ITPR2: variants seen among roughly 807,000 people sequenced by gnomAD.
ITPR2 encodes inositol 1,4,5-trisphosphate receptor type 2, also known as inositol 1,4,5-trisphosphate-gated calcium channel ITPR2.
A neutral mutation model predicts 317.1 loss-of-function variants in ITPR2; 207 were observed. The ratio of observed to expected loss-of-function variants is 0.65; its 90% CI spans 0.58 to 0.73. ITPR2 has a LOEUF of 0.73. Ranked by LOEUF, ITPR2 falls within the 30% of genes least tolerant of loss-of-function variation. The pLI is 0.00. For missense variants in ITPR2, 2,613 were observed against 3,284.0 expected, an observed-to-expected ratio of 0.80 and a Z score of 4.99; for synonymous variants, 1,156 against 1,149.1, an observed-to-expected ratio of 1.01 and a Z score of -0.12.
rs576218974 is a variant in ITPR2, at chr12:26,802,568, G to T, written c.93-12341C>A. Among the ~76,000 whole-genome samples the T allele has an allele frequency of 3.7e-5, 5 of 134,418 alleles. No individual in the cohort carries two copies. In the South Asian group the frequency reaches 7.9e-4, roughly 21 times the overall value. The allele number at this position is 134,418 out of a possible 152,430, so 88.2% of individuals were successfully genotyped here. ...GGAGATATATATATATCTATATATA[G>T]ATATAGATATAGATATATCTATATA... On this transcript the variant is annotated intron_variant, in intron 1 of 56. Coordinates refer to ENST00000381340, the MANE Select transcript of ITPR2 (RefSeq NM_002223.4).
chr12:26,774,001 T>A (rs976733621), intron 2 of ITPR2, among the ~76,000 whole-genome samples: 7 of 143,926 alleles, frequency 4.9e-5, no homozygotes, highest in Non-Finnish European at 7.8e-5. Flanking sequence ...TTTTTTTTTT[T>A]TTTTTTTTTA....
chr12:26,682,121 T>C (rs1948045175), intron 12 of ITPR2, 87 bp from the exon 13 acceptor site: 1 of 1,098,846 alleles, frequency 9.1e-7, no homozygotes, highest in Admixed American at 2.1e-5. Flanking sequence ...GTTTAAGAAA[T>C]ATAAGACAAG....
intron 42 of ITPR2, among the ~76,000 whole-genome samples, chr12:26,482,568 A>G (rs1942567292): frequency 1.3e-5 from 2 of 152,232 alleles, no homozygotes; most frequent in Admixed American, 1.3e-4. Context: ...TTAAATCAAC[A>G]TTTAGGTTTT....
intron 17 of ITPR2, 23 bp from the exon 18 acceptor site, chr12:26,657,915 A>C: frequency 6.2e-7 from 1 of 1,608,972 alleles, no homozygotes; most frequent in Non-Finnish European, 8.5e-7. Context: ...AGCACATACA[A>C]AAATCTACTA....
chr12:26,573,430 T>C (rs1363873899), intron 34 of ITPR2, among the ~76,000 whole-genome samples: 2 of 152,104 alleles, frequency 1.3e-5, no homozygotes, highest in African/African-American at 2.4e-5. Flanking sequence ...GAAAGGAAAG[T>C]TCCTCTTTTT....
intron 5 of ITPR2, among the ~76,000 whole-genome samples, chr12:26,718,641 G>A (rs868125587): frequency 8.6e-5 from 13 of 151,274 alleles, no homozygotes; most frequent in South Asian, 4.2e-4. Context: ...ATGGGGTCTC[G>A]CTCTGTCACC....
chr12:26,476,867 T>C (rs1305872707), intron 44 of ITPR2, 45 bp downstream of exon 44: 2 of 1,356,922 alleles, frequency 1.5e-6, no homozygotes, highest in Non-Finnish European at 2.1e-6. Context: ...AATTTTTTCC[T>C]TTTAGGCTAC....
In ITPR2 at chr12:26,633,199, A is replaced by G. The variant is rs1946792598; in HGVS notation, c.2741-1140T>C. 2.0e-5 allele frequency among the ~76,000 whole-genome samples: 3 copies of G among 152,176 alleles called. No individual in the cohort carries two copies. The South Asian group carries it at 6.2e-4, about 31-fold the overall frequency. On this transcript the variant is annotated intron_variant, in intron 21 of 56. Transcript: ENST00000381340. ...GAATGTAAACCATGGTAATACCTACAGGATCGAAAGGCAAACAAATAAAAA... is the reference window on the plus strand; with the variant it reads ...GAATGTAAACCATGGTAATACCTACGGGATCGAAAGGCAAACAAATAAAAA...
chr12:26,717,172 G>A (rs1000548497), intron 5 of ITPR2, among the ~76,000 whole-genome samples: 1 of 151,956 alleles, frequency 6.6e-6, no homozygotes, highest in Non-Finnish European at 1.5e-5. Flanking sequence ...CCCTCCCTTT[G>A]TATATTTTAT....
intron 23 of ITPR2, chr12:26,627,176 C>T (rs1266931115): frequency 5.3e-5 from 8 of 152,128 alleles, no homozygotes; most frequent in African/African-American, 1.7e-4. Context: ...CAAAATGAGA[C>T]CAACAACCAC....
rs1284637612 is a variant in ITPR2 at position 26,387,518 on chromosome 12, A to AT, written c.7772dup (p.His2591GlnfsTer12). The AT allele has an allele frequency of 6.2e-7, 1 of 1,613,852 alleles. No individual in the cohort carries two copies. The highest frequency in any genetic ancestry group is 1.7e-5 in the Admixed American group (1 of 60,018). ...TCACCAGGACTATGAAGTACAAATA[A>AT]TGCCACATATTGTGTTCTGACTTAA... is the stretch of plus-strand genomic sequence containing the variant. On this transcript the variant is annotated frameshift_variant, in exon 55 of 57. Transcript: ENST00000381340. LOFTEE classifies it high-confidence loss of function.
At chr12:26,554,312 ATTT>A (rs755599913) in intron 36 of ITPR2, among the ~76,000 whole-genome samples, 5 of 152,306 alleles carry the variant, frequency 3.3e-5, no homozygotes, top group Non-Finnish European at 7.3e-5. Context: ...GAGGAAGTGG[ATTT>A]TTATTTCATT....
intron 45 of ITPR2, among the ~76,000 whole-genome samples, chr12:26,456,888 G>T (rs772365181): frequency 8.8e-4 from 134 of 152,216 alleles, no homozygotes; most frequent in Admixed American, 4.6e-4. Context: ...TGGCCAGGCT[G>T]GTCTCAAACT....
rs137932877 is a variant in ITPR2 at position 26,597,496 on chromosome 12, A to C, written c.4003-362T>G. 2.4e-4 allele frequency among the ~76,000 whole-genome samples: 36 copies of C among 152,346 alleles called. No individual in the cohort carries two copies. The East Asian group carries it at 5.6e-3, about 24-fold the overall frequency. On this transcript the variant is annotated intron_variant, in intron 30 of 56. Transcript: ENST00000381340. ...TGGCCAAAGCACAAGAAATCTCATA[A>C]TTTTACTAAAGCAGAGTAAAATATC...
intron 49 of ITPR2, among the ~76,000 whole-genome samples, chr12:26,422,082 C>A (rs1182921784): frequency 6.7e-6 from 1 of 150,256 alleles, no homozygotes; most frequent in Non-Finnish European, 1.5e-5. Context: ...TATCTATTTG[C>A]TAATTATTTA....
chr12:26,572,582 G>C (rs1239643796), intron 34 of ITPR2, among the ~76,000 whole-genome samples: 1 of 152,168 alleles, frequency 6.6e-6, no homozygotes, highest in Non-Finnish European at 1.5e-5. Flanking sequence ...TTAGCTGTTG[G>C]CTAAATTTTC....
At chr12:26,452,784 T>C (rs1233653422) in intron 45 of ITPR2, among the ~76,000 whole-genome samples, 2 of 152,148 alleles carry the variant, frequency 1.3e-5, no homozygotes, top group African/African-American at 2.4e-5. Context: ...TGCAGCACGA[T>C]GCCCTCACCA....
At chr12:26,392,314 C>A (rs1013600711) in intron 54 of ITPR2, among the ~76,000 whole-genome samples, 1 of 152,192 alleles carries the variant, frequency 6.6e-6, no homozygotes, top group African/African-American at 2.4e-5. Context: ...CACTGACATT[C>A]CACTCAGCAC....
rs1946479901 is a variant in ITPR2, at chr12:26,621,030, C to T, written c.3462+93G>A. 2.6e-5 allele frequency: 31 copies of T among 1,213,564 alleles called. No homozygotes were observed. The South Asian group carries it at 4.8e-4, about 19-fold the overall frequency. 75.2% of individuals were successfully genotyped at this position (1,213,564 alleles called of 1,614,324 possible). A position where few individuals can be genotyped will look rare whatever the true frequency, so the allele number is the denominator to read the frequency against. On this transcript the variant is annotated intron_variant, in intron 26 of 56. Transcript: ENST00000381340. ...CTCTGTTGCTCAGAACAGAATTTTT[C>T]TTTATGAACAATTTTGATTGTAGAG...
Sources: allele counts gnomAD v4.1 joint callset (sites outside exome capture counted in the v4.1 genomes callset), GRCh38; gene constraint gnomAD v4.1.1; transcripts MANE v1.5; gene names NCBI Gene and HGNC (gene_info 2026-07-23, HGNC 2026-07-21).